Variants in PI4KA observed in about 807,000 individuals in gnomAD.
The protein encoded by PI4KA is PI4-kinase alpha.
In PI4KA, 122 loss-of-function variants were observed where a neutral mutation model predicts 271.4. The ratio of observed to expected loss-of-function variants is 0.45; its 90% confidence interval spans 0.39 to 0.52. The LOEUF (loss-of-function observed/expected upper bound fraction) is 0.52, where lower values mean the gene tolerates loss of function less well. Ranked by LOEUF, PI4KA falls within the 20% of genes least tolerant of loss-of-function variation. The probability of loss-of-function intolerance (pLI) is 0.00; values close to 1 mark genes in which losing one functional copy is unlikely to be tolerated. For missense variants in PI4KA, 1,969 were observed against 2,769.1 expected (o/e 0.71, Z 6.48); for synonymous variants, 1,041 against 1,078.8 (o/e 0.96, Z 0.69).
At chr22:20,729,607 G>A in intron 38 of PI4KA, 25 bp downstream of exon 38, 1 of 1,555,384 alleles carries the variant, frequency 6.4e-7, no homozygotes, top group African/African-American at 1.4e-5. Context: ...CGGGCAGCAG[G>A]CACAGCTGCA....
At position 20,762,285 on chromosome 22, in the gene PI4KA, A is replaced by G. The variant is rs571299257; in HGVS notation, c.2709-899T>C. ...CAGGAGGGCAGGCCAGGTGACTTTC[A>G]GCACACGCATTCGAGTGTGCACGTG... is the stretch of plus-strand genomic sequence containing the variant. On this transcript the variant is annotated intron_variant, in intron 22 of 54. Transcript: ENST00000255882. 5.1e-4 allele frequency among the ~76,000 whole-genome samples: 77 copies of G among 152,272 alleles called. 1 individual carries two copies. In the South Asian group the frequency reaches 0.016, roughly 31 times the overall value.
intron 32 of PI4KA, among the ~76,000 whole-genome samples, chr22:20,734,998 C>T (rs1218250030): frequency 6.6e-6 from 1 of 152,174 alleles, no homozygotes; most frequent in African/African-American, 2.4e-5. Flanking sequence ...ACAGACCCTA[C>T]CTGATGCCTT....
chr22:20,821,972 AAACC>A (rs780873432), intron 4 of PI4KA, among the ~76,000 whole-genome samples: 55 of 152,322 alleles, frequency 3.6e-4, no homozygotes, highest in Non-Finnish European at 6.5e-4. Flanking sequence ...CAAAGTAGCA[AAACC>A]CTGTCTCTAC....
At chr22:20,717,570 G>A (rs1278997407) in intron 45 of PI4KA, 138 bp downstream of exon 45, 8 of 718,906 alleles carry the variant, frequency 1.1e-5, no homozygotes, top group South Asian at 7.9e-5. Context: ...ACCAGGCACC[G>A]TGGGCCCAAG....
intron 20 of PI4KA, 128 bp downstream of exon 20, chr22:20,765,457 T>C (rs1259315326): frequency 1.3e-6 from 1 of 770,880 alleles, no homozygotes; most frequent in Non-Finnish European, 2.2e-6. Context: ...TTGCTAATAC[T>C]TGCAGAAAGA....
chr22:20,745,344 A>G (rs1398073720), intron 29 of PI4KA, among the ~76,000 whole-genome samples: 2 of 152,048 alleles, frequency 1.3e-5, no homozygotes, highest in African/African-American at 4.8e-5. Context: ...GCTGTGCCAC[A>G]CCTTTCAGTT....
chr22:20,801,882 T>C, intron 14 of PI4KA, 91 bp downstream of exon 14: 2 of 1,395,486 alleles, frequency 1.4e-6, no homozygotes, highest in Non-Finnish European at 2.0e-6. Flanking sequence ...CGAGACTCAA[T>C]CTCAAAAAAG....
At chr22:20,843,219 T>C (rs950675332) in intron 1 of PI4KA, among the ~76,000 whole-genome samples, 18 of 152,048 alleles carry the variant, frequency 1.2e-4, no homozygotes, top group South Asian at 2.1e-4. Flanking sequence ...CGGCCAGGCA[T>C]GGGCTTACGC....
At chr22:20,822,567 G>A (rs1376362229) in intron 4 of PI4KA, among the ~76,000 whole-genome samples, 4 of 152,174 alleles carry the variant, frequency 2.6e-5, no homozygotes, top group Non-Finnish European at 4.4e-5. Flanking sequence ...CACAGCACTA[G>A]CTTGTTTTGC....
chr22:20,764,973 G>A (rs1569004663), intron 21 of PI4KA, 23 bp from the exon 22 acceptor site: 3 of 1,592,670 alleles, frequency 1.9e-6, no homozygotes, highest in East Asian at 4.5e-5. Flanking sequence ...AAACATCCGA[G>A]GGCTCATGGG....
intron 42 of PI4KA, chr22:20,725,558 C>T (rs540566966): frequency 2.2e-6 from 1 of 451,676 alleles, no homozygotes; most frequent in Non-Finnish European, 4.5e-6. Context: ...CAGACACACA[C>T]AAAAGGATGA....
intron 17 of PI4KA, 167 bp downstream of exon 17, chr22:20,798,417 G>A (rs914962178): frequency 1.3e-5 from 8 of 607,018 alleles, no homozygotes; most frequent in African/African-American, 1.8e-5. Flanking sequence ...TCACCTCCAG[G>A]TGGGGGCCAC....
intron 2 of PI4KA, 52 bp from the exon 3 acceptor site, chr22:20,834,707 G>GCA (rs1166151767): frequency 8.2e-7 from 1 of 1,220,164 alleles, no homozygotes; most frequent in South Asian, 1.3e-5. Flanking sequence ...ATAAGTGATT[G>GCA]GCAGCTTTTT....
chr22:20,798,990 C>A, intron 16 of PI4KA, 103 bp downstream of exon 16: 1 of 926,714 alleles, frequency 1.1e-6, no homozygotes, highest in African/African-American at 1.7e-5. Context: ...GCATTTAGCT[C>A]ATCTGCAAGG....
At chr22:20,750,726 G>C (rs1464042243) in intron 27 of PI4KA, among the ~76,000 whole-genome samples, 1 of 152,240 alleles carries the variant, frequency 6.6e-6, no homozygotes, top group Non-Finnish European at 1.5e-5. Flanking sequence ...CAGAGGTCCA[G>C]AGGTAGGACA....
intron 17 of PI4KA, among the ~76,000 whole-genome samples, chr22:20,797,100 C>T (rs1190018634): frequency 2.6e-5 from 4 of 152,198 alleles, no homozygotes; most frequent in Admixed American, 6.5e-5. Context: ...CTAAGCATGT[C>T]GTCTGCTCCA....
Position 20,764,877 on chromosome 22 carries a change from T to C in PI4KA, c.2648A>G (p.Asn883Ser), listed in dbSNP as rs1443442459. Reference protein sequence around the residue: ...DPPPEVSALINKLDFAMSTYL... With the variant: ...DPPPEVSALISKLDFAMSTYL... ...GGTGGACATGGCGAAGTCCAGCTTG[T>C]TGATGAGTGCGGACACCTCGGGAGG... The change falls in exon 22 of 55, where the codon AAC becomes AGC. Residue 883 changes from asparagine (N) to serine (S), a missense_variant. Physicochemically the swap from Asn to Ser is conservative, Grantham distance 46. Coordinates refer to ENST00000255882, the MANE Select transcript of PI4KA (RefSeq NM_058004.4). 5.6e-6 allele frequency: 9 copies of C among 1,613,730 alleles called. No homozygotes were observed. The highest frequency in any genetic ancestry group is 6.8e-6 in the Non-Finnish European group (8 of 1,179,826).
At chr22:20,812,505 T>C (rs979505818) in intron 8 of PI4KA, among the ~76,000 whole-genome samples, 16 of 152,140 alleles carry the variant, frequency 1.1e-4, no homozygotes, top group Admixed American at 3.9e-4. Flanking sequence ...TTCAAATCTG[T>C]CTTGAACCAT....
chr22:20,755,803 TAAAAAAAAAAA>T (rs771767684), intron 23 of PI4KA, among the ~76,000 whole-genome samples: 1 of 93,634 alleles, frequency 1.1e-5, no homozygotes, highest in African/African-American at 4.1e-5. Context: ...CACTGTCACA[TAAAAAAAAAAA>T]AAAGAAAAGA....
Sources: allele counts gnomAD v4.1 joint callset (sites outside exome capture counted in the v4.1 genomes callset), GRCh38; gene constraint gnomAD v4.1.1; transcripts MANE v1.5; gene names NCBI Gene and HGNC (gene_info 2026-07-23, HGNC 2026-07-21).